RAD50: variants seen among roughly 807,000 people sequenced by gnomAD.
The protein encoded by RAD50 is RAD50 double strand break repair protein.
RAD50 carries 132 observed loss-of-function variants against 168.8 expected under a neutral mutation model. That is an observed-to-expected ratio of 0.78 (90% CI 0.68 to 0.90). The LOEUF is 0.90. Among genes scored for constraint, RAD50 ranks in the 40% least tolerant of loss-of-function variants. The pLI is 0.00. For missense variants in RAD50, 1,347 were observed against 1,534.4 expected, an observed-to-expected ratio of 0.88 and a Z score of 2.04; for synonymous variants, 525 against 497.4, an observed-to-expected ratio of 1.06 and a Z score of -0.74.
chr5:132,642,469 C>G lies in RAD50; in HGVS notation c.*105C>G. 9.3e-7 allele frequency: 1 copy of G among 1,078,972 alleles called. No individual in the cohort carries two copies. The highest frequency in any genetic ancestry group is 1.5e-5 in the South Asian group (1 of 65,998). The allele number at this position is 1,078,972 out of a possible 1,614,324, so 66.8% of individuals were successfully genotyped here. Reference sequence around the variant, plus strand: ...TAGTCAATAAGAAAATATATTCTTTCAAAGGAACATTGTGTCTAGGATTTT... The same window carrying G: ...TAGTCAATAAGAAAATATATTCTTTGAAAGGAACATTGTGTCTAGGATTTT... On this transcript the variant is annotated 3_prime_UTR_variant, in exon 25 of 25. Transcript: ENST00000378823.
intron 13 of RAD50, among the ~76,000 whole-genome samples, chr5:132,597,789 A>C (rs921740863): frequency 5.9e-5 from 9 of 152,194 alleles, no homozygotes; most frequent in African/African-American, 1.9e-4. Context: ...GCAACAATAG[A>C]TAACCAACAC....
intron 21 of RAD50, among the ~76,000 whole-genome samples, chr5:132,629,522 C>G (rs1230155304): frequency 6.6e-6 from 1 of 152,168 alleles, no homozygotes; most frequent in East Asian, 1.9e-4. Context: ...ACTGAGTTCT[C>G]TTACCTGGTA....
At chr5:132,569,916 T>G (rs1031194246) in intron 2 of RAD50, among the ~76,000 whole-genome samples, 5 of 152,174 alleles carry the variant, frequency 3.3e-5, no homozygotes, top group Non-Finnish European at 5.9e-5. Context: ...GAAAAAATAC[T>G]TTAAATGAAT....
chr5:132,577,776 T>A (rs1282350540), intron 3 of RAD50, among the ~76,000 whole-genome samples: 1 of 151,202 alleles, frequency 6.6e-6, no homozygotes, highest in African/African-American at 2.5e-5. Flanking sequence ...CAGACCCATT[T>A]ACCCAGACCT....
chr5:132,563,699 A>G (rs889592184), intron 2 of RAD50, among the ~76,000 whole-genome samples: 2 of 152,196 alleles, frequency 1.3e-5, no homozygotes, highest in African/African-American at 4.8e-5. Flanking sequence ...GGTAAATACT[A>G]TGAAGGTAAT....
chr5:132,618,836 A>G (rs1271976270), intron 21 of RAD50, among the ~76,000 whole-genome samples: 3 of 152,172 alleles, frequency 2.0e-5, no homozygotes, highest in African/African-American at 7.2e-5. Flanking sequence ...CCTCTAACCA[A>G]TCTACCATTA....
At chr5:132,612,321 T>A (rs747849134) in intron 19 of RAD50, among the ~76,000 whole-genome samples, 5 of 152,150 alleles carry the variant, frequency 3.3e-5, no homozygotes, top group Non-Finnish European at 7.4e-5. Context: ...GACAGCAGAT[T>A]AATGTTTCCA....
At chr5:132,626,181 C>A (rs1328684421) in intron 21 of RAD50, among the ~76,000 whole-genome samples, 1 of 152,132 alleles carries the variant, frequency 6.6e-6, no homozygotes, top group African/African-American at 2.4e-5. Context: ...ACCACATTTT[C>A]TTTATCCATT....
chr5:132,566,736 A>G lies in RAD50; in HGVS notation c.213+7369A>G, dbSNP rs1285026288. ...TCACCTTAAATCCAAAAGCCTTACC[A>G]AGTTTAGAAGGCTGTTAATTTCTGA... On this transcript the variant is annotated intron_variant, in intron 2 of 24. Transcript: ENST00000378823. Among the ~76,000 whole-genome samples the G allele has an allele frequency of 2.6e-5, 4 of 152,230 alleles. No homozygotes were observed. In the East Asian group the frequency reaches 7.7e-4, roughly 29 times the overall value.
rs1320424224 is a variant in RAD50 at position 132,616,019 on chromosome 5, T to C, written c.3053T>C (p.Leu1018Pro). Residue 1018 changes from leucine to proline, a missense_variant, in exon 20 of 25, where the codon CTA (leucine) becomes CCA (proline). Around this residue, in one of 3 missense-constraint regions of RAD50, gnomAD observed 635 missense variants for 739.2 expected, o/e 0.86. Coordinates refer to ENST00000378823, the MANE Select transcript of RAD50 (RefSeq NM_005732.4). ...TACCTTTAGATACAAGAAAGGTGGC[T>C]ACAAGATAACCTTACTTTAAGAAAA... ...IDTQKIQERW[L>P]QDNLTLRKRN... The C allele has an allele frequency of 6.3e-7, 1 of 1,587,726 alleles. No individual in the cohort carries two copies. Among genetic ancestry groups the C allele is most frequent in the African/African-American group, 1.3e-5 (1 of 74,294 alleles).
At chr5:132,597,316 A>G (rs1318096203) in intron 13 of RAD50, among the ~76,000 whole-genome samples, 1 of 152,188 alleles carries the variant, frequency 6.6e-6, no homozygotes, top group African/African-American at 2.4e-5. Flanking sequence ...ATACTCTTGT[A>G]TAGTCCCATC....
intron 5 of RAD50, among the ~76,000 whole-genome samples, chr5:132,581,899 C>T (rs1042253746): frequency 6.6e-6 from 1 of 152,042 alleles, no homozygotes; most frequent in East Asian, 1.9e-4. Flanking sequence ...CCCCACTCCA[C>T]GTTTTATTTT....
chr5:132,586,882 A>G (rs909550800), intron 5 of RAD50, among the ~76,000 whole-genome samples: 1 of 152,192 alleles, frequency 6.6e-6, no homozygotes, highest in African/African-American at 2.4e-5. Flanking sequence ...ATTTGAAATA[A>G]TAATAATAAA....
rs146904942 is a variant in RAD50 at position 132,606,980 on chromosome 5, C to T, written c.2719-1635C>T. Reference sequence around the variant, plus strand: ...CGATGGAATGTATTTCAAAATAATACGAGCTATTTATGACAGACCCACAGC... The same window carrying T: ...CGATGGAATGTATTTCAAAATAATATGAGCTATTTATGACAGACCCACAGC... On this transcript the variant is annotated intron_variant, in intron 16 of 24. Coordinates refer to ENST00000378823, the MANE Select transcript of RAD50 (RefSeq NM_005732.4). Among the ~76,000 whole-genome samples the T allele has an allele frequency of 1.4e-3, 217 of 152,226 alleles. 2 individuals are homozygous for T. Among genetic ancestry groups the T allele is most frequent in the African/African-American group, 5.1e-3 (212 of 41,548 alleles).
intron 13 of RAD50, among the ~76,000 whole-genome samples, chr5:132,600,626 A>T (rs1042102111): frequency 6.6e-6 from 1 of 152,190 alleles, no homozygotes; most frequent in African/African-American, 2.4e-5. Context: ...ACTGACTCAG[A>T]TTCATTTATT....
rs184127614 is a variant in RAD50 at position 132,570,275 on chromosome 5, G to T, written c.214-5502G>T. 9.2e-5 allele frequency among the ~76,000 whole-genome samples: 14 copies of T among 152,164 alleles called. 1 individual carries two copies. In the East Asian group the frequency reaches 2.7e-3, roughly 29 times the overall value. On this transcript the variant is annotated intron_variant, in intron 2 of 24. Coordinates refer to ENST00000378823, the MANE Select transcript of RAD50 (RefSeq NM_005732.4). ...TTATACTGATACAAGAAAATGGGGG[G>T]GGAAATGGAGAAAGAGCAAAGCCCC...
At chr5:132,608,500 A>G in intron 16 of RAD50, 115 bp from the exon 17 acceptor site, 1 of 846,442 alleles carries the variant, frequency 1.2e-6, no homozygotes, top group Non-Finnish European at 1.8e-6. Context: ...GGAGCAAATG[A>G]GTTGACTTTT....
At chr5:132,615,060 A>T (rs1751152630) in intron 19 of RAD50, among the ~76,000 whole-genome samples, 1 of 152,178 alleles carries the variant, frequency 6.6e-6, no homozygotes. Flanking sequence ...TCTTTGAGAA[A>T]TCCTTACTCC....
chr5:132,580,827 A>G (rs1400904842), intron 5 of RAD50, among the ~76,000 whole-genome samples: 2 of 152,316 alleles, frequency 1.3e-5, no homozygotes, highest in African/African-American at 4.8e-5. Context: ...AAATAAGAGC[A>G]TTCTTAAAAA....
Sources: allele counts gnomAD v4.1 joint callset (sites outside exome capture counted in the v4.1 genomes callset), GRCh38; gene constraint gnomAD v4.1.1; regional missense constraint gnomAD v4.1.1; transcripts MANE v1.5; gene names NCBI Gene and HGNC (gene_info 2026-07-23, HGNC 2026-07-21).